The following COL17A1 variants were observed in gnomAD, a reference collection of about 807,000 sequenced individuals.
COL17A1 encodes the protein collagen alpha-1(XVII) chain.
Under a neutral mutation model 218.4 loss-of-function variants are expected in COL17A1, and 181 were observed. The ratio of observed to expected loss-of-function variants is 0.83; its 90% CI spans 0.73 to 0.94. The LOEUF (loss-of-function observed/expected upper bound fraction) is 0.94. Ranked by LOEUF, COL17A1 falls within the 40% of genes least tolerant of loss-of-function variation. The pLI is 0.00. For missense variants in COL17A1, 1,924 were observed against 1,945.9 expected, an observed-to-expected ratio of 0.99 and a Z score of 0.21; for synonymous variants, 721 against 731.0, an observed-to-expected ratio of 0.99 and a Z score of 0.22.
intron 38 of COL17A1, 40 bp from the exon 39 acceptor site, chr10:104,041,158 G>A (rs1206510345): frequency 6.2e-7 from 1 of 1,611,766 alleles, no homozygotes; most frequent in South Asian, 1.1e-5. Context: ...GTGCCAAGAG[G>A]GGAGCCAGGA....
In COL17A1 at chr10:104,078,556, G is replaced by A. The variant is rs763666988; in HGVS notation, c.83C>T (p.Thr28Ile). The stretch of plus-strand genomic sequence containing the variant: ...TAGTTACTTACTTGGTGGTAAGGAT[G>A]TAAGTCTTGTGGTTACTGTTTCAGT... ...IVTETVTTRL[T>I]SLPPKGGTSN... The change falls in exon 3 of 56, where the codon ACA becomes ATA. Residue 28 changes from threonine to isoleucine, a missense_variant. Transcript: ENST00000648076. 6 of 1,614,078 alleles carry A rather than the reference G, an allele frequency of 3.7e-6. No individual in the cohort carries two copies. The highest frequency in any genetic ancestry group is 4.2e-6 in the Non-Finnish European group (5 of 1,180,038).
In COL17A1 at chr10:104,074,187, A is replaced by G; in HGVS notation, c.376T>C (p.Phe126Leu). The change falls in exon 6 of 56, where the codon TTT becomes CTT. Residue 126 changes from phenylalanine (F) to leucine (L), a missense_variant. Coordinates refer to ENST00000648076, the MANE Select transcript of COL17A1 (RefSeq NM_000494.4). ...AGAAAATAAGGAGAGGACATACCAA[A>G]TTCCTTCCGAGGGTACTCCGGAGAA... ...NSSPEYPRKEFASSSTRGRSQ... is the reference protein window; with the variant it reads ...NSSPEYPRKELASSSTRGRSQ... The G allele has an allele frequency of 1.2e-6, 2 of 1,614,146 alleles. No homozygotes were observed. The highest frequency in any genetic ancestry group is 1.7e-6 in the Non-Finnish European group (2 of 1,180,018).
intron 52 of COL17A1, 42 bp downstream of exon 52, chr10:104,033,903 G>C (rs369227942): frequency 6.2e-7 from 1 of 1,613,216 alleles, no homozygotes; most frequent in South Asian, 1.1e-5. Context: ...ATGCTCCCAC[G>C]CTCCTTCCCC....
At chr10:104,042,005 C>T (rs763210360) in intron 36 of COL17A1, among the ~76,000 whole-genome samples, 4 of 152,150 alleles carry the variant, frequency 2.6e-5, no homozygotes, top group African/African-American at 7.2e-5. Context: ...AGCGCTGGAC[C>T]GGGTGGGCTG....
intron 5 of COL17A1, 114 bp from the exon 6 acceptor site, chr10:104,074,345 A>T: frequency 1.4e-6 from 2 of 1,453,428 alleles, no homozygotes; most frequent in Non-Finnish European, 1.9e-6. Flanking sequence ...TCAGTGTTTC[A>T]GGGGGGAATG....
Position 104,076,199 on chromosome 10 carries a change from G to T in COL17A1, c.331+102C>A, listed in dbSNP as rs1244608521. 4 of 1,579,876 alleles carry T rather than the reference G, an allele frequency of 2.5e-6. No homozygotes were observed. The Admixed American group carries it at 6.7e-5, about 26-fold the overall frequency. ...AAATGAAGGAGGAGTGGGGAGAAAG[G>T]TGAAGGGCAGACACAGGTGGCCAGC... is the stretch of plus-strand genomic sequence containing the variant. On this transcript the variant is annotated intron_variant, in intron 5 of 55. Coordinates refer to ENST00000648076, the MANE Select transcript of COL17A1 (RefSeq NM_000494.4).
chr10:104,035,989 TGTGTGTATGCATATGTGA>T (rs1289396820), intron 48 of COL17A1, among the ~76,000 whole-genome samples: 3 of 137,526 alleles, frequency 2.2e-5, no homozygotes, highest in African/African-American at 5.4e-5. Flanking sequence ...TGGGAATGCG[TGTGTGTATGCATATGTGA>T]GTGTGTATGG....
Position 104,035,446 on chromosome 10 carries a change from T to G in COL17A1, c.3508+28A>C. ...GGACTCTGCTTCCTCCCCAACCAGTTGGACAGATGTCCCCTGCTGGGCCTT... is the reference window on the plus strand; with the variant it reads ...GGACTCTGCTTCCTCCCCAACCAGTGGGACAGATGTCCCCTGCTGGGCCTT... On this transcript the variant is annotated intron_variant, in intron 49 of 55. Coordinates refer to ENST00000648076, the MANE Select transcript of COL17A1 (RefSeq NM_000494.4). 4 of 1,613,682 alleles carry G rather than the reference T, an allele frequency of 2.5e-6. No homozygotes were observed. In the South Asian group the frequency reaches 4.4e-5, roughly 18 times the overall value.
In COL17A1 at chr10:104,044,481, A is replaced by G. The variant is rs145692015; in HGVS notation, c.2399-621T>C. 2.6e-5 allele frequency among the ~76,000 whole-genome samples: 4 copies of G among 152,332 alleles called. No homozygotes were observed. The East Asian group carries it at 7.7e-4, about 29-fold the overall frequency. On this transcript the variant is annotated intron_variant, in intron 33 of 55. Coordinates refer to ENST00000648076, the MANE Select transcript of COL17A1 (RefSeq NM_000494.4). ...ATGCAGTGCTGAGAACTGACAATCC[A>G]CGGACTCACTTGGGGAAACCATTCT...
At chr10:104,083,549 G>C (rs898661078) in intron 1 of COL17A1, among the ~76,000 whole-genome samples, 2 of 152,168 alleles carry the variant, frequency 1.3e-5, no homozygotes, top group African/African-American at 4.8e-5. Flanking sequence ...TTCTAGGCAA[G>C]AAGACACAAT....
intron 33 of COL17A1, 147 bp downstream of exon 33, chr10:104,045,611 C>T (rs2086400958): frequency 1.3e-6 from 1 of 755,558 alleles, no homozygotes; most frequent in Non-Finnish European, 2.4e-6. Context: ...AATCCCTGGG[C>T]TCCCAGCCTC....
At chr10:104,049,338 C>A in intron 29 of COL17A1, 71 bp downstream of exon 29, 1 of 1,407,736 alleles carries the variant, frequency 7.1e-7, no homozygotes, top group East Asian at 2.3e-5. Flanking sequence ...CTCTAGAAGA[C>A]GGATCTCTCC....
chr10:104,037,033 C>T lies in COL17A1; in HGVS notation c.3277+12G>A. ...GATAGTCCCACCCTCGATCCCCCCA[C>T]AGGTGACTCACGCTGCAGCACAGCC... On this transcript the variant is annotated intron_variant, in intron 47 of 55. Transcript: ENST00000648076. The T allele has an allele frequency of 6.2e-7, 1 of 1,600,546 alleles. No homozygotes were observed. The highest frequency in any genetic ancestry group is 8.5e-7 in the Non-Finnish European group (1 of 1,174,248).
At position 104,080,626 on chromosome 10, in the gene COL17A1, C is replaced by G; in HGVS notation, c.48G>C (p.Glu16Asp). The G allele has an allele frequency of 3.7e-6, 6 of 1,612,904 alleles. No homozygotes were observed. The highest frequency in any genetic ancestry group is 5.1e-6 in the Non-Finnish European group (6 of 1,179,950). Reference protein sequence around the residue: ...KNKRDGTEVTERIVTETVTTR... With the variant: ...KNKRDGTEVTDRIVTETVTTR... ...AAAAAATTCTGATGCTCTTACTTCT[C>G]TCAGTGACTTCAGTTCCATCTCGTT... The change falls in exon 2 of 56, where the codon GAG (glutamate) becomes GAC (aspartate). Residue 16 changes from glutamate (E) to aspartate (D), a missense_variant. Transcript: ENST00000648076.
rs34553613 is a variant in COL17A1 at position 104,037,287 on chromosome 10, A to ATTT, written c.3209-177_3209-175dup. ...AACAAAGTCAAATACTGTTGTTGGG[A>ATTT]TTTTTTTTTTTTTTGTAAGAAAGGA... On this transcript the variant is annotated intron_variant, in intron 46 of 55. Coordinates refer to ENST00000648076, the MANE Select transcript of COL17A1 (RefSeq NM_000494.4). 0.011 allele frequency among the ~76,000 whole-genome samples: 1,648 copies of ATTT among 147,920 alleles called. 24 individuals are homozygous for ATTT. The highest frequency in any genetic ancestry group is 0.031 in the Middle Eastern group (9 of 288).
chr10:104,050,895 A>G lies in COL17A1; in HGVS notation c.2045T>C (p.Val682Ala), dbSNP rs1265604865. The G allele has an allele frequency of 3.7e-6, 6 of 1,614,202 alleles. No homozygotes were observed. The East Asian group carries it at 1.3e-4, about 36-fold the overall frequency. ...SPGPQGPPGP[V>A]GLQGLRGEVG... is the part of the protein sequence containing the mutation. ...TTCACCTCGGAGCCCTTGGAGACCT[A>G]CAGGACCTGCCCGGCAGAAGAAACC... The change falls in exon 26 of 56, where the codon GTA (valine) becomes GCA (alanine). Residue 682 changes from valine (V) to alanine (A), a missense_variant. Coordinates refer to ENST00000648076, the MANE Select transcript of COL17A1 (RefSeq NM_000494.4).
chr10:104,047,810 C>G lies in COL17A1; in HGVS notation c.2264G>C (p.Gly755Ala), dbSNP rs1279181559. The G allele has an allele frequency of 6.2e-7, 1 of 1,613,950 alleles. No homozygotes were observed. Among genetic ancestry groups the G allele is most frequent in the South Asian group, 1.1e-5 (1 of 91,080 alleles). Residue 755 changes from glycine to alanine, a missense_variant and splice_region_variant, in exon 31 of 56, where the codon GGT (glycine) becomes GCT (alanine). Physicochemically the swap from Gly to Ala is moderately conservative, Grantham distance 60 (BLOSUM62 0). Transcript: ENST00000648076. ...AGPDGHQGPR[G>A]EQGLTGMPGI... ...AGGCATCCCAGTAAGACCTTGTTCACCTAGAGAGAGAATGGCCAACGTGGA... is the reference window on the plus strand; with the variant it reads ...AGGCATCCCAGTAAGACCTTGTTCAGCTAGAGAGAGAATGGCCAACGTGGA...
chr10:104,034,909 CA>C, intron 50 of COL17A1, 142 bp from the exon 51 acceptor site: 1 of 1,023,442 alleles, frequency 9.8e-7, no homozygotes, highest in Non-Finnish European at 1.4e-6. Flanking sequence ...GAGAGAAAAG[CA>C]GGAGGCCAGA....
chr10:104,042,534 A>G (rs1011103158), intron 35 of COL17A1, 79 bp from the exon 36 acceptor site: 3 of 1,456,304 alleles, frequency 2.1e-6, no homozygotes, highest in African/African-American at 2.8e-5. Context: ...AATTCCTCCC[A>G]AGGCATGGAA....
Sources: gnomAD v4.1 joint callset for allele counts (sites outside exome capture counted in the v4.1 genomes callset) on GRCh38, gnomAD v4.1.1 for gene constraint, MANE v1.5 for transcripts, NCBI Gene and HGNC (gene_info 2026-07-23, HGNC 2026-07-21) for gene names.